Variants in ZNF609 observed in about 807,000 individuals in gnomAD.
The protein encoded by ZNF609 is zinc finger protein 609.
ZNF609 carries 11 observed loss-of-function variants against 109.5 expected under a neutral mutation model. The ratio of observed to expected loss-of-function variants is 0.10; its 90% CI spans 0.06 to 0.17. ZNF609 has a LOEUF of 0.17. Among genes scored for constraint, ZNF609 ranks in the 10% least tolerant of loss-of-function variants. ZNF609 has a pLI of 1.00. For synonymous variants in ZNF609, 646 were observed against 662.0 expected, an observed-to-expected ratio of 0.98 and a Z score of 0.37; for missense variants, 1,559 against 1,772.4, an observed-to-expected ratio of 0.88 and a Z score of 2.16.
chr15:64,541,051 T>C (rs943579827), intron 2 of ZNF609, among the ~76,000 whole-genome samples: 1 of 149,528 alleles, frequency 6.7e-6, no homozygotes, highest in Non-Finnish European at 1.5e-5. Flanking sequence ...AAAAAAACTT[T>C]TGTGTCTAAC....
At position 64,577,034 on chromosome 15, in the gene ZNF609, G is replaced by GTATATATACACATAAATATATATA. The variant is rs1894980451; in HGVS notation, c.748-45771_748-45770insTATATATATACACATAAATATATA. The stretch of plus-strand genomic sequence containing the variant: ...TATGTATACACATAAATATATATAT[G>GTATATATACACATAAATATATATA]TATATATACACATAAATATATACAT... On this transcript the variant is annotated intron_variant, in intron 2 of 9. Coordinates refer to ENST00000326648, the MANE Select transcript of ZNF609 (RefSeq NM_015042.2). Among the ~76,000 whole-genome samples the GTATATATACACATAAATATATATA allele has an allele frequency of 8.3e-5, 8 of 96,518 alleles. 3 individuals are homozygous for GTATATATACACATAAATATATATA. Among genetic ancestry groups the GTATATATACACATAAATATATATA allele is most frequent in the Non-Finnish European group, 1.5e-4 (7 of 45,464 alleles). The allele number at this position is 96,518 out of a possible 152,430, so 63.3% of individuals were successfully genotyped here.
intron 1 of ZNF609, among the ~76,000 whole-genome samples, chr15:64,481,362 C>T (rs892430098): frequency 6.8e-6 from 1 of 147,628 alleles, no homozygotes; most frequent in African/African-American, 2.5e-5. Context: ...CTCTTGTTGC[C>T]CAGGCTGGAG....
intron 2 of ZNF609, among the ~76,000 whole-genome samples, chr15:64,550,707 A>G (rs989904371): frequency 1.3e-5 from 2 of 152,068 alleles, no homozygotes; most frequent in East Asian, 1.9e-4. Context: ...GTGGTGGCAC[A>G]TGCCTGTAAT....
chr15:64,466,301 A>G (rs1046870384), intron 1 of ZNF609, among the ~76,000 whole-genome samples: 2 of 152,106 alleles, frequency 1.3e-5, no homozygotes, highest in Non-Finnish European at 1.5e-5. Context: ...TAAAACTTGT[A>G]AGCAAGTAAC....
At chr15:64,498,082 C>T (rs1893509476) in intron 1 of ZNF609, among the ~76,000 whole-genome samples, 1 of 151,958 alleles carries the variant, frequency 6.6e-6, no homozygotes, top group African/African-American at 2.4e-5. Flanking sequence ...CAGAGTCTTA[C>T]TCTGTCACCC....
rs189386168 is a variant in ZNF609 at position 64,657,580 on chromosome 15, C to T, written c.974-12766C>T. Reference sequence around the variant, plus strand: ...AGTGAGCTGAGATCGCGCTACTGCACCCCAGCCTGGCGACAGAGGGAGACT... The same window carrying T: ...AGTGAGCTGAGATCGCGCTACTGCATCCCAGCCTGGCGACAGAGGGAGACT... On this transcript the variant is annotated intron_variant, in intron 3 of 9. Coordinates refer to ENST00000326648, the MANE Select transcript of ZNF609 (RefSeq NM_015042.2). Among the ~76,000 whole-genome samples the T allele has an allele frequency of 2.6e-5, 4 of 152,280 alleles. No homozygotes were observed. The East Asian group carries it at 7.7e-4, about 29-fold the overall frequency.
intron 2 of ZNF609, among the ~76,000 whole-genome samples, chr15:64,571,557 G>T (rs556635972): frequency 6.6e-6 from 1 of 151,958 alleles, no homozygotes; most frequent in Non-Finnish European, 1.5e-5. Flanking sequence ...CACAGCAACC[G>T]TATAAGTTAA....
At chr15:64,481,996 G>T (rs1000203053) in intron 1 of ZNF609, among the ~76,000 whole-genome samples, 1 of 152,044 alleles carries the variant, frequency 6.6e-6, no homozygotes, top group Non-Finnish European at 1.5e-5. Flanking sequence ...TGTTGATCAG[G>T]CTGGTCTCGA....
At chr15:64,583,126 C>T (rs938860537) in intron 2 of ZNF609, among the ~76,000 whole-genome samples, 15 of 150,548 alleles carry the variant, frequency 1.0e-4, no homozygotes, top group African/African-American at 2.9e-4. Context: ...CTCTGCCTCC[C>T]GGGTTCAAGT....
At chr15:64,650,894 G>T (rs868185500) in intron 3 of ZNF609, among the ~76,000 whole-genome samples, 56 of 150,042 alleles carry the variant, frequency 3.7e-4, no homozygotes, top group Middle Eastern at 3.4e-3. Context: ...TGATGGGTGG[G>T]GGGGGGATCC....
At chr15:64,612,627 CTT>C (rs60895709) in intron 2 of ZNF609, among the ~76,000 whole-genome samples, 103,729 of 132,192 alleles carry the variant, frequency 0.78, 43,264 homozygotes, top group Non-Finnish European at 0.93. Flanking sequence ...CCAGGAGCCT[CTT>C]TTTTTTTTTT....
chr15:64,685,853 A>G lies in ZNF609; in HGVS notation c.*4167A>G, dbSNP rs2083237500. 1 of 152,236 alleles carries G rather than the reference A, an allele frequency of 6.6e-6. No individual in the cohort carries two copies. Among genetic ancestry groups the G allele is most frequent in the Non-Finnish European group, 1.5e-5 (1 of 68,052 alleles). 9.4% of individuals were successfully genotyped at this position (152,236 alleles called of 1,614,324 possible). A position where few individuals can be genotyped will look rare whatever the true frequency, so the allele number is the denominator to read the frequency against. On this transcript the variant is annotated 3_prime_UTR_variant, in exon 10 of 10. Transcript: ENST00000326648. ...ACAAGGGCTAAGGGTTTATGGGTCA[A>G]GAGTATTTGATCAGAATTTTAAAGG... is the stretch of plus-strand genomic sequence containing the variant.
chr15:64,509,080 C>A (rs924371702), intron 2 of ZNF609, among the ~76,000 whole-genome samples: 2 of 152,152 alleles, frequency 1.3e-5, no homozygotes, highest in African/African-American at 4.8e-5. Flanking sequence ...GTAGAGCACC[C>A]TTCCCTCTTA....
At chr15:64,621,669 A>G (rs899078248) in intron 2 of ZNF609, among the ~76,000 whole-genome samples, 1 of 151,720 alleles carries the variant, frequency 6.6e-6, no homozygotes, top group African/African-American at 2.4e-5. Flanking sequence ...CACAACTTTT[A>G]TGTTGTCTCT....
chr15:64,666,088 A>AAC (rs1555425696), intron 3 of ZNF609, among the ~76,000 whole-genome samples: 182 of 147,624 alleles, frequency 1.2e-3, no homozygotes, highest in Middle Eastern at 0.011. Flanking sequence ...AAAAAAAAAA[A>AAC]ACACACACAC....
intron 3 of ZNF609, among the ~76,000 whole-genome samples, chr15:64,628,926 C>T (rs1896019064): frequency 6.6e-6 from 1 of 151,958 alleles, no homozygotes; most frequent in South Asian, 2.1e-4. Flanking sequence ...TGCCTGGCCC[C>T]TGCTCACTAT....
chr15:64,598,734 T>G (rs1303398179), intron 2 of ZNF609, among the ~76,000 whole-genome samples: 3 of 86,886 alleles, frequency 3.5e-5, no homozygotes, highest in East Asian at 6.0e-4. Flanking sequence ...TCATACATCT[T>G]TGTGTGTGTA....
chr15:64,624,062 C>G (rs1272602961), intron 3 of ZNF609, among the ~76,000 whole-genome samples: 1 of 152,188 alleles, frequency 6.6e-6, no homozygotes, highest in Admixed American at 6.5e-5. Flanking sequence ...ATCTGTTCCC[C>G]TGAATATTTT....
chr15:64,509,804 G>C (rs1893691914), intron 2 of ZNF609, among the ~76,000 whole-genome samples: 1 of 152,206 alleles, frequency 6.6e-6, no homozygotes, highest in African/African-American at 2.4e-5. Flanking sequence ...AAGATAACAT[G>C]ATTGTTTTCA....
Sources: allele counts gnomAD v4.1 joint callset (sites outside exome capture counted in the v4.1 genomes callset), GRCh38; gene constraint gnomAD v4.1.1; transcripts MANE v1.5; gene names NCBI Gene and HGNC (gene_info 2026-07-23, HGNC 2026-07-21).